The following DIP2C variants were observed in gnomAD, a reference collection of about 807,000 sequenced individuals.
The protein encoded by DIP2C is disco-interacting protein 2 homolog C.
DIP2C carries 33 observed loss-of-function variants against 192.4 expected under a neutral mutation model. That is an observed-to-expected ratio of 0.17 (90% confidence interval 0.13 to 0.23). The LOEUF (loss-of-function observed/expected upper bound fraction) is 0.23, where lower values mean the gene tolerates loss of function less well. DIP2C is among the 10% of genes least tolerant of loss of function. DIP2C has a pLI of 1.00. For synonymous variants in DIP2C, 979 were observed against 864.1 expected (o/e 1.13, Z -2.33); for missense variants, 1,537 against 2,110.1 (o/e 0.73, Z 5.32).
At chr10:471,432 C>T (rs1338200240) in intron 3 of DIP2C, among the ~76,000 whole-genome samples, 3 of 152,144 alleles carry the variant, frequency 2.0e-5, no homozygotes, top group African/African-American at 7.2e-5. Flanking sequence ...CCGAGACTCA[C>T]AGGCTTTCCT....
In DIP2C at chr10:274,550, C is replaced by G. The variant is rs999907211; in HGVS notation, c.*2775G>C. 2.6e-5 allele frequency: 4 copies of G among 152,228 alleles called. No individual in the cohort carries two copies. Among genetic ancestry groups the G allele is most frequent in the Non-Finnish European group, 4.4e-5 (3 of 68,038 alleles). 9.4% of individuals were successfully genotyped at this position (152,228 alleles called of 1,614,324 possible). On this transcript the variant is annotated 3_prime_UTR_variant, in exon 37 of 37. Transcript: ENST00000280886. ...TGTACAAAGCGTACTGGTGGTTTAA[C>G]ATACAAGAAGGTTGCTGTCCTTTGC...
At chr10:593,772 C>T (rs571230653) in intron 1 of DIP2C, among the ~76,000 whole-genome samples, 1 of 152,276 alleles carries the variant, frequency 6.6e-6, no homozygotes, top group East Asian at 1.9e-4. Context: ...CTTTACCATC[C>T]ACATCCGTCT....
At chr10:376,172 G>A (rs953690462) in intron 17 of DIP2C, among the ~76,000 whole-genome samples, 1 of 152,208 alleles carries the variant, frequency 6.6e-6, no homozygotes, top group Non-Finnish European at 1.5e-5. Context: ...TACAGACGAG[G>A]AATCCTCAAG....
intron 1 of DIP2C, among the ~76,000 whole-genome samples, chr10:612,918 A>G (rs780034984): frequency 9.2e-5 from 14 of 152,170 alleles, no homozygotes; most frequent in Non-Finnish European, 1.8e-4. Flanking sequence ...TTACTGTTAA[A>G]TGCATGTAAA....
At chr10:525,839 C>G (rs887950108) in intron 1 of DIP2C, among the ~76,000 whole-genome samples, 1 of 152,158 alleles carries the variant, frequency 6.6e-6, no homozygotes, top group Non-Finnish European at 1.5e-5. Flanking sequence ...GATGGCCAAG[C>G]CTGGATGGAA....
rs564214704 is a variant in DIP2C at position 313,474 on chromosome 10, G to GA, written c.3925-3383dup. Among the ~76,000 whole-genome samples the GA allele has an allele frequency of 3.1e-4, 13 of 41,756 alleles. No homozygotes were observed. In the East Asian group the frequency reaches 6.2e-3, roughly 20 times the overall value. The allele number at this position is 41,756 out of a possible 152,430, so 27.4% of individuals were successfully genotyped here. A position where few individuals can be genotyped will look rare whatever the true frequency, so the allele number is the denominator to read the frequency against. On this transcript the variant is annotated intron_variant, in intron 31 of 36. Transcript: ENST00000280886. ...AACCAACCTTGAATCCCAAATATTC[G>GA]AAAAAACTGCACCTGAACAGGCACA...
At chr10:487,547 G>A (rs919236337) in intron 1 of DIP2C, among the ~76,000 whole-genome samples, 4 of 127,518 alleles carry the variant, frequency 3.1e-5, no homozygotes, top group South Asian at 2.7e-4. Context: ...CACGGAACCC[G>A]CATCCGCCCA....
intron 1 of DIP2C, among the ~76,000 whole-genome samples, chr10:561,649 C>CAA (rs889170137): frequency 4.6e-5 from 7 of 152,162 alleles, no homozygotes; most frequent in Admixed American, 3.9e-4. Flanking sequence ...CAGCTTCCTT[C>CAA]AAGTCAGGCT....
At chr10:406,091 G>A (rs1261966218) in intron 9 of DIP2C, among the ~76,000 whole-genome samples, 5 of 152,160 alleles carry the variant, frequency 3.3e-5, no homozygotes, top group African/African-American at 1.2e-4. Flanking sequence ...AGGAACACAG[G>A]AGTTTATTTT....
At chr10:682,763 G>A (rs890872854) in intron 1 of DIP2C, among the ~76,000 whole-genome samples, 5 of 150,752 alleles carry the variant, frequency 3.3e-5, no homozygotes, top group South Asian at 2.1e-4. Flanking sequence ...AAAATCAATC[G>A]TGCCTATAGA....
chr10:523,962 A>C (rs1036272268), intron 1 of DIP2C, among the ~76,000 whole-genome samples: 1 of 152,154 alleles, frequency 6.6e-6, no homozygotes, highest in African/African-American at 2.4e-5. Context: ...AGGGGATCTC[A>C]GAGTTTGATG....
chr10:622,490 T>G (rs1023165708), intron 1 of DIP2C, among the ~76,000 whole-genome samples: 2 of 151,496 alleles, frequency 1.3e-5, no homozygotes, highest in Non-Finnish European at 2.9e-5. Context: ...GAACAGCGAG[T>G]TCAAGCTGTT....
At chr10:682,808 T>C (rs1831180239) in intron 1 of DIP2C, among the ~76,000 whole-genome samples, 1 of 151,074 alleles carries the variant, frequency 6.6e-6, no homozygotes. Context: ...CTGATGCCAA[T>C]GGAATTAGTT....
chr10:367,026 G>A (rs184098126), intron 18 of DIP2C, among the ~76,000 whole-genome samples: 64 of 152,352 alleles, frequency 4.2e-4, no homozygotes, highest in African/African-American at 1.5e-3. Flanking sequence ...GTGTGCATTA[G>A]TGACAGCTGA....
At chr10:476,385 C>T (rs1843032991) in intron 2 of DIP2C, among the ~76,000 whole-genome samples, 2 of 152,292 alleles carry the variant, frequency 1.3e-5, no homozygotes, top group African/African-American at 2.4e-5. Context: ...GGATCCTAGG[C>T]AAGTTTGTGA....
intron 36 of DIP2C, 151 bp from the exon 37 acceptor site, chr10:277,728 A>G (rs1256901752): frequency 2.0e-5 from 22 of 1,087,542 alleles, no homozygotes; most frequent in Non-Finnish European, 2.8e-5. Flanking sequence ...TCTGCCGCCC[A>G]CTAATCGTTC....
chr10:364,128 C>T (rs989797430), intron 20 of DIP2C, among the ~76,000 whole-genome samples: 5 of 152,170 alleles, frequency 3.3e-5, no homozygotes, highest in African/African-American at 9.7e-5. Flanking sequence ...ATGCATATTT[C>T]TATTATACTT....
At chr10:618,692 C>T (rs1357511138) in intron 1 of DIP2C, among the ~76,000 whole-genome samples, 2 of 152,212 alleles carry the variant, frequency 1.3e-5, no homozygotes, top group Admixed American at 6.5e-5. Flanking sequence ...CCTCTGAAAC[C>T]GTGGAATAAT....
At chr10:529,917 CCAA>C (rs1847269553) in intron 1 of DIP2C, among the ~76,000 whole-genome samples, 1 of 152,222 alleles carries the variant, frequency 6.6e-6, no homozygotes, top group Non-Finnish European at 1.5e-5. Flanking sequence ...GAAGCTGGGA[CCAA>C]CAGGCAAGTT....
Sources: allele counts gnomAD v4.1 joint callset (sites outside exome capture counted in the v4.1 genomes callset), GRCh38; gene constraint gnomAD v4.1.1; transcripts MANE v1.5; gene names NCBI Gene and HGNC (gene_info 2026-07-23, HGNC 2026-07-21).